Variants in ARHGAP44 observed in about 807,000 individuals in gnomAD.
The protein encoded by ARHGAP44 is Rho GTPase activating protein 44.
ARHGAP44 carries 43 observed loss-of-function variants against 106.8 expected under a neutral mutation model. The ratio of observed to expected loss-of-function variants is 0.40; its 90% CI spans 0.32 to 0.52. The LOEUF (loss-of-function observed/expected upper bound fraction) is 0.52, where lower values mean the gene tolerates loss of function less well. Ranked by LOEUF, ARHGAP44 falls within the 20% of genes least tolerant of loss-of-function variation. The probability of loss-of-function intolerance (pLI) is 0.48; values close to 1 mark genes in which losing one functional copy is unlikely to be tolerated. For synonymous variants in ARHGAP44, 439 were observed against 410.3 expected (o/e 1.07, Z -0.85); for missense variants, 866 against 1,050.5 (o/e 0.82, Z 2.43).
At chr17:12,984,106 C>T (rs2143441905) in intron 19 of ARHGAP44, among the ~76,000 whole-genome samples, 1 of 152,320 alleles carries the variant, frequency 6.6e-6, no homozygotes, top group African/African-American at 2.4e-5. Flanking sequence ...CTGTCCATTA[C>T]AGCAAATTGA....
intron 1 of ARHGAP44, among the ~76,000 whole-genome samples, chr17:12,830,304 T>C (rs1335171297): frequency 6.6e-6 from 1 of 152,232 alleles, no homozygotes; most frequent in Admixed American, 6.5e-5. Flanking sequence ...TTTTGGATAA[T>C]TGCTCTTTGG....
chr17:12,802,927 TTATATATATATATATATATATATA>T (rs1159214788), intron 1 of ARHGAP44, among the ~76,000 whole-genome samples: 3 of 29,238 alleles, frequency 1.0e-4, no homozygotes, highest in East Asian at 1.3e-3. Context: ...CCTGGCTAAT[TTATATATATATATATATATATATA>T]TATATATATA....
At chr17:12,893,930 A>G (rs1388800657) in intron 1 of ARHGAP44, among the ~76,000 whole-genome samples, 1 of 152,126 alleles carries the variant, frequency 6.6e-6, no homozygotes, top group East Asian at 1.9e-4. Flanking sequence ...CCCAGCCAGT[A>G]TGCCTTCCTT....
intron 6 of ARHGAP44, among the ~76,000 whole-genome samples, chr17:12,923,038 T>A (rs990940149): frequency 3.3e-5 from 5 of 152,220 alleles, no homozygotes; most frequent in Non-Finnish European, 7.3e-5. Context: ...TTTCTGTTTT[T>A]ATAAACTTCA....
chr17:12,958,719 A>G lies in ARHGAP44; in HGVS notation c.1345A>G (p.Ile449Val), dbSNP rs1406152052. 1 of 1,613,834 alleles carries G rather than the reference A, an allele frequency of 6.2e-7. No individual in the cohort carries two copies. Among genetic ancestry groups the G allele is most frequent in the East Asian group, 2.2e-5 (1 of 44,876 alleles). ...QHADWFFPGE[I>V]EFNITGNYGS... ...TACCAATTCTTTCTTCCCCGCAGAGATAGAGTTCAACATTACTGGCAATTA... is the reference window on the plus strand; with the variant it reads ...TACCAATTCTTTCTTCCCCGCAGAGGTAGAGTTCAACATTACTGGCAATTA... Residue 449 changes from isoleucine to valine, a missense_variant and splice_region_variant, in exon 16 of 21, where the codon ATA becomes GTA. Ile to Val is a conservative substitution (Grantham distance 29). This residue lies in a region of ARHGAP44 where 448 missense variants were observed against 646.9 expected (regional missense o/e 0.69). Transcript: ENST00000379672. This position sits in a 1 kb window ranked among gnomAD's most constrained non-coding sequence, Gnocchi z 4.1.
At chr17:12,920,300 G>T (rs112886627) in intron 6 of ARHGAP44, among the ~76,000 whole-genome samples, 17,458 of 128,874 alleles carry the variant, frequency 0.14, 2,223 homozygotes, top group African/African-American at 0.36. Context: ...GGTGTGAACC[G>T]GGGAGGCGGA....
At chr17:12,888,263 C>A (rs1189152922) in intron 1 of ARHGAP44, among the ~76,000 whole-genome samples, 1 of 152,068 alleles carries the variant, frequency 6.6e-6, no homozygotes, top group Non-Finnish European at 1.5e-5. Context: ...TTTCCCAGCA[C>A]AACTTTGGTT....
At chr17:12,828,536 TG>T (rs1298818987) in intron 1 of ARHGAP44, among the ~76,000 whole-genome samples, 1 of 151,970 alleles carries the variant, frequency 6.6e-6, no homozygotes, top group African/African-American at 2.4e-5. Context: ...TTGAATCATC[TG>T]GGCATTACTG....
At chr17:12,979,130 C>T (rs1193795429) in intron 18 of ARHGAP44, among the ~76,000 whole-genome samples, 1 of 152,202 alleles carries the variant, frequency 6.6e-6, no homozygotes, top group Non-Finnish European at 1.5e-5. Flanking sequence ...TGGGGCATCT[C>T]CCCTGATTCA....
intron 1 of ARHGAP44, among the ~76,000 whole-genome samples, chr17:12,880,563 A>G (rs1316133994): frequency 6.6e-6 from 1 of 151,784 alleles, no homozygotes; most frequent in Non-Finnish European, 1.5e-5. Context: ...TGTTTGGGTA[A>G]ACTTTATTTT....
At chr17:12,863,399 CT>C (rs2036146789) in intron 1 of ARHGAP44, among the ~76,000 whole-genome samples, 1 of 152,120 alleles carries the variant, frequency 6.6e-6, no homozygotes. Context: ...TGTAAAAAAT[CT>C]AATGTCATTC....
chr17:12,926,446 CATA>C (rs1394993322), intron 6 of ARHGAP44, among the ~76,000 whole-genome samples: 1 of 118,892 alleles, frequency 8.4e-6, no homozygotes, highest in Non-Finnish European at 1.8e-5. Context: ...TATGTATATA[CATA>C]ATATATATAC....
At chr17:12,979,992 G>A in intron 18 of ARHGAP44, 66 bp from the exon 19 acceptor site, 4 of 1,491,084 alleles carry the variant, frequency 2.7e-6, no homozygotes, top group Middle Eastern at 2.3e-4. Flanking sequence ...GTGGCCATCG[G>A]CAAGGCTGGT....
chr17:12,836,209 G>A (rs1206908593), intron 1 of ARHGAP44, among the ~76,000 whole-genome samples: 2 of 152,154 alleles, frequency 1.3e-5, no homozygotes, highest in Non-Finnish European at 2.9e-5. Flanking sequence ...GGACAGAAAT[G>A]CTTGAAGAGC....
chr17:12,834,841 CTTA>C (rs148836938), intron 1 of ARHGAP44, among the ~76,000 whole-genome samples: 4,249 of 151,638 alleles, frequency 0.028, 154 homozygotes, highest in African/African-American at 0.085. Context: ...CTAGCATCTC[CTTA>C]TTATTAATAA....
intron 7 of ARHGAP44, among the ~76,000 whole-genome samples, chr17:12,935,569 CAAAAA>C (rs11364751): frequency 7.9e-6 from 1 of 125,862 alleles, no homozygotes; most frequent in Non-Finnish European, 1.7e-5. Flanking sequence ...GACTCCATCT[CAAAAA>C]AAAAAAAAAA....
intron 3 of ARHGAP44, among the ~76,000 whole-genome samples, chr17:12,902,265 C>T (rs1437988069): frequency 1.3e-5 from 2 of 152,146 alleles, no homozygotes; most frequent in Non-Finnish European, 2.9e-5. Context: ...AGCTCACACT[C>T]CTCTTGGGCC....
intron 7 of ARHGAP44, among the ~76,000 whole-genome samples, chr17:12,935,274 A>G (rs1167969419): frequency 6.6e-6 from 1 of 152,210 alleles, no homozygotes; most frequent in African/African-American, 2.4e-5. Context: ...TGCCTCAAAT[A>G]CGATTAAAGG....
At chr17:12,894,852 G>T in intron 1 of ARHGAP44, 88 bp from the exon 2 acceptor site, 2 of 1,181,210 alleles carry the variant, frequency 1.7e-6, no homozygotes, top group South Asian at 2.8e-5. Flanking sequence ...TGTTTTTCTG[G>T]TATTGCCTTA....
Sources: gnomAD v4.1 joint callset for allele counts (sites outside exome capture counted in the v4.1 genomes callset) on GRCh38, gnomAD v4.1.1 for gene constraint, gnomAD v4.1.1 regional missense constraint, Gnocchi (gnomAD v3.1) non-coding constraint, MANE v1.5 for transcripts, NCBI Gene and HGNC (gene_info 2026-07-23, HGNC 2026-07-21) for gene names.